Variants in FBLIM1 observed in about 807,000 individuals in gnomAD.
FBLIM1 encodes the protein filamin binding LIM protein 1.
In FBLIM1, 29 loss-of-function variants were observed where a neutral mutation model predicts 37.4. That is an observed-to-expected ratio of 0.77 (90% CI 0.58 to 1.06). The LOEUF (loss-of-function observed/expected upper bound fraction) is 1.06. FBLIM1 is among the 50% of genes least tolerant of loss of function. FBLIM1 has a pLI of 0.00. For synonymous variants in FBLIM1, 193 were observed against 199.0 expected (o/e 0.97, Z 0.25); for missense variants, 449 against 505.6 (o/e 0.89, Z 1.07).
Position 15,770,494 on chromosome 1 carries a change from C to T in FBLIM1, c.627C>T (p.Phe209=). The T allele has an allele frequency of 1.2e-6, 2 of 1,613,862 alleles. No homozygotes were observed. The change falls in exon 6 of 9, where the codon TTC becomes TTT. Residue 209 remains phenylalanine, a synonymous_variant. Transcript: ENST00000375766. ...AGAGGCAGTACCATGCCCAGTGCTT[C>T]ACGTGCCGCACCTGCCGCCGCCAGC... ...AMKRQYHAQC[F]TCRTCRRQLA... is the part of the protein sequence containing the mutation.
intron 8 of FBLIM1, among the ~76,000 whole-genome samples, chr1:15,777,967 A>G (rs376594363): frequency 6.6e-6 from 1 of 152,092 alleles, no homozygotes; most frequent in Admixed American, 6.6e-5. Flanking sequence ...GGCACAGTGC[A>G]TGGGCATAGG....
chr1:15,785,130 T>TCAAGAC lies in FBLIM1; in HGVS notation c.*472_*477dup, dbSNP rs1485737591. 3 of 152,476 alleles carry TCAAGAC rather than the reference T, an allele frequency of 2.0e-5. No homozygotes were observed. 9.4% of individuals were successfully genotyped at this position (152,476 alleles called of 1,614,324 possible). On this transcript the variant is annotated 3_prime_UTR_variant, in exon 9 of 9. Coordinates refer to ENST00000375766, the MANE Select transcript of FBLIM1 (RefSeq NM_017556.4). ...GGGTGGATCACCTGAGGTCAGGAGT[T>TCAAGAC]CAAGACCAGCCTGGCCAACATGGTG...
intron 5 of FBLIM1, 107 bp from the exon 6 acceptor site, chr1:15,770,302 G>T: frequency 1.7e-6 from 2 of 1,192,810 alleles, no homozygotes; most frequent in South Asian, 1.5e-5. Flanking sequence ...TGAGGAATTT[G>T]CAGGGTTTAA....
intron 5 of FBLIM1, among the ~76,000 whole-genome samples, chr1:15,769,567 G>C (rs1382588900): frequency 6.6e-6 from 1 of 152,154 alleles, no homozygotes; most frequent in Non-Finnish European, 1.5e-5. Context: ...CACTTTGGGA[G>C]GTCAAGGCAG....
chr1:15,770,907 G>T (rs1324070839), intron 6 of FBLIM1, among the ~76,000 whole-genome samples: 1 of 152,150 alleles, frequency 6.6e-6, no homozygotes, highest in Non-Finnish European at 1.5e-5. Flanking sequence ...CCACATCTCT[G>T]CCTTTTGCAA....
intron 1 of FBLIM1, among the ~76,000 whole-genome samples, chr1:15,761,617 A>G (rs2148460792): frequency 2.0e-5 from 3 of 152,376 alleles, no homozygotes; most frequent in Non-Finnish European, 4.4e-5. Flanking sequence ...CAGCCTAAGC[A>G]TACGTACTTC....
intron 8 of FBLIM1, among the ~76,000 whole-genome samples, chr1:15,782,892 G>A (rs962516212): frequency 9.6e-5 from 14 of 145,702 alleles, no homozygotes; most frequent in African/African-American, 3.3e-4. Flanking sequence ...ACCTCCTCCC[G>A]GGTTCAAACA....
At chr1:15,781,344 G>A (rs2069630414) in intron 8 of FBLIM1, among the ~76,000 whole-genome samples, 1 of 151,556 alleles carries the variant, frequency 6.6e-6, no homozygotes, top group South Asian at 2.1e-4. Flanking sequence ...GAGACAGAGT[G>A]AGACTCTGTC....
At chr1:15,776,978 G>A (rs185578593) in intron 7 of FBLIM1, 192 bp from the exon 8 acceptor site, 1 of 562,392 alleles carries the variant, frequency 1.8e-6, no homozygotes, top group Non-Finnish European at 3.2e-6. Flanking sequence ...AGTGACGCTG[G>A]GAAACCAGGT....
intron 1 of FBLIM1, among the ~76,000 whole-genome samples, chr1:15,762,269 T>TG (rs2068708327): frequency 6.7e-6 from 1 of 148,626 alleles, no homozygotes; most frequent in Non-Finnish European, 1.5e-5. Flanking sequence ...TGTTTTTTTT[T>TG]TTTTTTTTTT....
intron 3 of FBLIM1, among the ~76,000 whole-genome samples, chr1:15,766,891 C>CTTT (rs36087502): frequency 3.5e-4 from 47 of 133,196 alleles, no homozygotes; most frequent in Non-Finnish European, 6.4e-4. Context: ...CTGCACCCGG[C>CTTT]TTTTTTTTTT....
At position 15,777,165 on chromosome 1, in the gene FBLIM1, T is replaced by C; in HGVS notation, c.891-5T>C. On this transcript the variant is annotated splice_region_variant and splice_polypyrimidine_tract_variant and intron_variant, in intron 7 of 8. Transcript: ENST00000375766. ...CCTCCCAAGCATGGGTTCCTTTGCT[T>C]CTAGGAAATTCGCCCCCGTCTGCAG... is the stretch of plus-strand genomic sequence containing the variant. 1 of 1,596,866 alleles carries C rather than the reference T, an allele frequency of 6.3e-7. No individual in the cohort carries two copies. The highest frequency in any genetic ancestry group is 1.7e-5 in the Admixed American group (1 of 58,786).
Position 15,774,767 on chromosome 1 carries a change from C to A in FBLIM1, c.861C>A (p.Asn287Lys). 2 of 1,614,148 alleles carry A rather than the reference C, an allele frequency of 1.2e-6. No individual in the cohort carries two copies. The highest frequency in any genetic ancestry group is 1.1e-5 in the South Asian group (1 of 91,090). ...AGAGCTTTGCCCTGGGCAGCCAGAA[C>A]GAGGTGTACTGCCTGGACGACTTCT... ...GDESFALGSQ[N>K]EVYCLDDFYR... Residue 287 changes from asparagine (N) to lysine (K), a missense_variant, in exon 7 of 9, where the codon AAC (asparagine) becomes AAA (lysine). Physicochemically the swap from Asn to Lys is moderately conservative, Grantham distance 94. Transcript: ENST00000375766.
intron 1 of FBLIM1, among the ~76,000 whole-genome samples, chr1:15,761,490 G>T (rs1432134675): frequency 1.3e-5 from 2 of 152,176 alleles, no homozygotes; most frequent in Non-Finnish European, 2.9e-5. Flanking sequence ...CACGAAACAA[G>T]TGCCTTATCA....
At chr1:15,757,007 T>C (rs2068456420), upstream of FBLIM1, among the ~76,000 whole-genome samples, 1 of 152,246 alleles carries the variant, frequency 6.6e-6, no homozygotes, top group Admixed American at 6.5e-5. This position sits in a 1 kb window ranked among gnomAD's most constrained non-coding sequence, Gnocchi z 4.1. Context: ...AACCCCCAGA[T>C]CGCACCTTCC....
Position 15,767,462 on chromosome 1 carries a change from G to A in FBLIM1, c.337G>A (p.Val113Met), listed in dbSNP as rs1276537021. The A allele has an allele frequency of 8.1e-6, 9 of 1,109,872 alleles. No individual in the cohort carries two copies. The highest frequency in any genetic ancestry group is 1.5e-5 in the South Asian group (1 of 68,460). The allele number at this position is 1,109,872 out of a possible 1,614,324, so 68.8% of individuals were successfully genotyped here. ...CCCACCCCCTCCACCGCCCCCTCCA[G>A]TGCTTCTGCCTTCTGAAGAGGAGGC... ...LLPPPPPPPP[V>M]LLPSEEEAPA... Residue 113 changes from valine to methionine, a missense_variant, in exon 4 of 9, where the codon GTG (valine) becomes ATG (methionine). Transcript: ENST00000375766.
intron 7 of FBLIM1, 50 bp downstream of exon 7, chr1:15,774,846 C>T: frequency 6.2e-7 from 1 of 1,613,694 alleles, no homozygotes; most frequent in African/African-American, 1.3e-5. Context: ...AGGGCGAGAC[C>T]CAAGCAGGGT....
chr1:15,777,524 G>GTTA (rs1407626022), intron 8 of FBLIM1, among the ~76,000 whole-genome samples: 27 of 151,856 alleles, frequency 1.8e-4, no homozygotes, highest in South Asian at 1.0e-3. Context: ...TTGGCTCATG[G>GTTA]TGCTGGGATC....
At chr1:15,761,781 G>A (rs1379253154) in intron 1 of FBLIM1, among the ~76,000 whole-genome samples, 1 of 152,184 alleles carries the variant, frequency 6.6e-6, no homozygotes, top group African/African-American at 2.4e-5. Context: ...GAATTTAGGA[G>A]CACGTGTTAT....
Sources: gnomAD v4.1 joint callset for allele counts (sites outside exome capture counted in the v4.1 genomes callset) on GRCh38, gnomAD v4.1.1 for gene constraint, Gnocchi (gnomAD v3.1) non-coding constraint, MANE v1.5 for transcripts, NCBI Gene and HGNC (gene_info 2026-07-23, HGNC 2026-07-21) for gene names.